USP54: variants seen among roughly 807,000 people sequenced by gnomAD.
USP54 encodes the protein ubiquitin carboxyl-terminal hydrolase 54.
Under a neutral mutation model 170.5 loss-of-function variants are expected in USP54, and 87 were observed. The observed-to-expected ratio is 0.51, with a 90% CI of 0.43 to 0.61. USP54 has a LOEUF of 0.61. Ranked by LOEUF, USP54 falls within the 20% of genes least tolerant of loss-of-function variation. The probability of loss-of-function intolerance (pLI) is 0.00; values close to 1 mark genes in which losing one functional copy is unlikely to be tolerated. For missense variants in USP54, 1,786 were observed against 2,047.8 expected, an observed-to-expected ratio of 0.87 and a Z score of 2.47; for synonymous variants, 655 against 742.8, an observed-to-expected ratio of 0.88 and a Z score of 1.92.
intron 5 of USP54, among the ~76,000 whole-genome samples, chr10:73,544,239 T>C (rs2067256148): frequency 1.3e-5 from 2 of 152,202 alleles, no homozygotes; most frequent in African/African-American, 4.8e-5. Context: ...CCGGCCAGCA[T>C]ATAACCTTTT....
rs1485014666 is a variant in USP54 at position 73,534,587 on chromosome 10, T to C, written c.1315+13A>G. 1 of 1,612,944 alleles carries C rather than the reference T, an allele frequency of 6.2e-7. No individual in the cohort carries two copies. Among genetic ancestry groups the C allele is most frequent in the Non-Finnish European group, 8.5e-7 (1 of 1,179,310 alleles). On this transcript the variant is annotated intron_variant, in intron 12 of 23. Transcript: ENST00000687698. Reference sequence around the variant, plus strand: ...TGATTCAGGCAAGCAGGACCCTCTGTATAAGTCCCTACCTGTGTCCCGACT... The same window carrying C: ...TGATTCAGGCAAGCAGGACCCTCTGCATAAGTCCCTACCTGTGTCCCGACT...
intron 4 of USP54, among the ~76,000 whole-genome samples, chr10:73,556,444 T>C (rs564070870): frequency 6.6e-6 from 1 of 151,882 alleles, no homozygotes; most frequent in East Asian, 1.9e-4. Flanking sequence ...CCTCCCAGGT[T>C]GAAGCAATTC....
At chr10:73,571,547 T>C (rs1167487255) in intron 3 of USP54, 34 bp from the exon 4 acceptor site, 1 of 1,540,144 alleles carries the variant, frequency 6.5e-7, no homozygotes, top group Non-Finnish European at 9.0e-7. Flanking sequence ...CATTACTCTA[T>C]AAAAAGCTAC....
At chr10:73,622,985 A>G (rs1004430788) in intron 1 of USP54, among the ~76,000 whole-genome samples, 1 of 151,550 alleles carries the variant, frequency 6.6e-6, no homozygotes, top group Non-Finnish European at 1.5e-5. Context: ...TGACCAGTGA[A>G]TTTTCTCCTC....
At chr10:73,528,262 GT>G (rs1564704085) in intron 15 of USP54, among the ~76,000 whole-genome samples, 1 of 147,824 alleles carries the variant, frequency 6.8e-6, no homozygotes, top group Non-Finnish European at 1.5e-5. Flanking sequence ...TTGTTTGTTT[GT>G]TTTTTTGAGA....
chr10:73,578,401 G>C (rs2076398467), intron 1 of USP54, among the ~76,000 whole-genome samples: 1 of 151,484 alleles, frequency 6.6e-6, no homozygotes, highest in Non-Finnish European at 1.5e-5. Context: ...TGTTTTTTGG[G>C]TTTTGTTTTG....
At chr10:73,505,545 G>A in intron 20 of USP54, 119 bp from the exon 21 acceptor site, 1 of 762,592 alleles carries the variant, frequency 1.3e-6, no homozygotes, top group Non-Finnish European at 2.1e-6. Context: ...ATGCATCCTT[G>A]AATTCAACGG....
intron 1 of USP54, among the ~76,000 whole-genome samples, chr10:73,619,946 C>T (rs2080953745): frequency 6.6e-6 from 1 of 150,436 alleles, no homozygotes; most frequent in Non-Finnish European, 1.5e-5. Context: ...TGGTAGAGTA[C>T]AAGGAACAGT....
At chr10:73,620,432 C>CA (rs1422551577) in intron 1 of USP54, among the ~76,000 whole-genome samples, 1 of 148,448 alleles carries the variant, frequency 6.7e-6, no homozygotes, top group African/African-American at 2.6e-5. Flanking sequence ...AACTGATTAT[C>CA]AATACTTCAT....
chr10:73,623,471 C>A (rs1354374703), intron 1 of USP54, among the ~76,000 whole-genome samples: 1 of 151,652 alleles, frequency 6.6e-6, no homozygotes, highest in East Asian at 2.0e-4. Flanking sequence ...AGCCTGGCAA[C>A]ATAGCAAGAC....
At chr10:73,543,858 C>CTAAA (rs2067157018) in intron 5 of USP54, among the ~76,000 whole-genome samples, 1 of 152,180 alleles carries the variant, frequency 6.6e-6, no homozygotes, top group South Asian at 2.1e-4. Context: ...AAACCTAACC[C>CTAAA]TAACCTGTGG....
At chr10:73,549,092 G>A (rs1222635458) in intron 4 of USP54, among the ~76,000 whole-genome samples, 3 of 152,080 alleles carry the variant, frequency 2.0e-5, no homozygotes, top group African/African-American at 7.2e-5. Flanking sequence ...TCCTTCCCCT[G>A]GTTCCAGGGC....
At chr10:73,551,054 G>A (rs1225091945) in intron 4 of USP54, among the ~76,000 whole-genome samples, 1 of 152,122 alleles carries the variant, frequency 6.6e-6, no homozygotes, top group East Asian at 1.9e-4. Context: ...GCAGTGAGCC[G>A]AGATTGCATA....
At chr10:73,624,181 TATATA>T (rs2081310279) in intron 1 of USP54, among the ~76,000 whole-genome samples, 1 of 118,386 alleles carries the variant, frequency 8.4e-6, no homozygotes, top group Non-Finnish European at 1.8e-5. Flanking sequence ...TATATATATA[TATATA>T]TATATATATG....
At chr10:73,512,302 C>T (rs1431360017) in intron 20 of USP54, among the ~76,000 whole-genome samples, 2 of 151,988 alleles carry the variant, frequency 1.3e-5, no homozygotes, top group Admixed American at 6.6e-5. Flanking sequence ...CCACACCCAG[C>T]TAATTTTCTC....
intron 19 of USP54, 110 bp downstream of exon 19, chr10:73,519,687 G>T (rs1589965387): frequency 6.7e-7 from 1 of 1,490,148 alleles, no homozygotes; most frequent in African/African-American, 1.4e-5. Context: ...CTTTTCAGAG[G>T]ACTCCTCTCT....
chr10:73,594,416 CT>C (rs1374720114), upstream of USP54, among the ~76,000 whole-genome samples: 2 of 151,484 alleles, frequency 1.3e-5, no homozygotes, highest in African/African-American at 2.4e-5. Flanking sequence ...AATTTGGGAA[CT>C]TTTTAAGAGA....
intron 1 of USP54, among the ~76,000 whole-genome samples, chr10:73,599,252 G>C (rs2078981275): frequency 1.3e-5 from 2 of 152,170 alleles, no homozygotes; most frequent in Non-Finnish European, 2.9e-5. Context: ...CCACATGAAA[G>C]ACGGTGAAAC....
At chr10:73,504,310 A>G (rs2058700845) in intron 22 of USP54, 1 of 153,924 alleles carries the variant, frequency 6.5e-6, no homozygotes, top group Non-Finnish European at 1.4e-5. Context: ...GATATTATTT[A>G]AGTTTGTTGA....
Sources: allele counts gnomAD v4.1 joint callset (sites outside exome capture counted in the v4.1 genomes callset), GRCh38; gene constraint gnomAD v4.1.1; transcripts MANE v1.5; gene names NCBI Gene and HGNC (gene_info 2026-07-23, HGNC 2026-07-21).